The following PBX1 variants were observed in gnomAD, a reference collection of about 807,000 sequenced individuals.
PBX1 encodes PBX homeobox 1.
Under a neutral mutation model 53.4 loss-of-function variants are expected in PBX1, and 6 were observed. The observed-to-expected ratio is 0.11, with a 90% CI of 0.06 to 0.22. The LOEUF (loss-of-function observed/expected upper bound fraction) is 0.22, where lower values mean the gene tolerates loss of function less well. Among genes scored for constraint, PBX1 ranks in the 10% least tolerant of loss-of-function variants. PBX1 has a pLI of 1.00. For missense variants in PBX1, 251 were observed against 551.4 expected (o/e 0.46, Z 5.46); for synonymous variants, 204 against 212.3 (o/e 0.96, Z 0.34).
rs116131767 is a variant in PBX1 at position 164,786,806 on chromosome 1, T to A, written c.266-5688T>A. Reference sequence around the variant, plus strand: ...AAAAGGATTCAGAACTCCAATATTGTAGAGGACTGAAGTGTCTGAGAGTTA... The same window carrying A: ...AAAAGGATTCAGAACTCCAATATTGAAGAGGACTGAAGTGTCTGAGAGTTA... On this transcript the variant is annotated intron_variant, in intron 2 of 8. Coordinates refer to ENST00000420696, the MANE Select transcript of PBX1 (RefSeq NM_002585.4). 5.8e-3 allele frequency among the ~76,000 whole-genome samples: 878 copies of A among 151,842 alleles called. 7 individuals are homozygous for A. Among genetic ancestry groups the A allele is most frequent in the African/African-American group, 0.02 (841 of 41,410 alleles).
intron 2 of PBX1, among the ~76,000 whole-genome samples, chr1:164,734,541 G>A (rs981364008): frequency 6.6e-6 from 1 of 152,120 alleles, no homozygotes; most frequent in African/African-American, 2.4e-5. Flanking sequence ...ATATGAAATG[G>A]ATATAAATGG....
chr1:164,848,717 A>T lies in PBX1; in HGVS notation c.*2041A>T. ...CTTGTACATACTTGGTCCCTGTCAC[A>T]TTGACTGCTTGGGAGGCTTCCAGGG... On this transcript the variant is annotated 3_prime_UTR_variant, in exon 9 of 9. Coordinates refer to ENST00000420696, the MANE Select transcript of PBX1 (RefSeq NM_002585.4). 9.5e-7 allele frequency: 1 copy of T among 1,056,858 alleles called. No homozygotes were observed. Among genetic ancestry groups the T allele is most frequent in the Non-Finnish European group, 1.1e-6 (1 of 873,940 alleles). 65.5% of individuals were successfully genotyped at this position (1,056,858 alleles called of 1,614,324 possible).
rs184777941 is a variant in PBX1 at position 164,706,973 on chromosome 1, C to A, written c.266-85521C>A. Reference sequence around the variant, plus strand: ...CTAAATTCCCAGGGAAGATTTAGGACCTGTGTTTGTCCTGAGTTAGTGGAT... The same window carrying A: ...CTAAATTCCCAGGGAAGATTTAGGAACTGTGTTTGTCCTGAGTTAGTGGAT... On this transcript the variant is annotated intron_variant, in intron 2 of 8. Coordinates refer to ENST00000420696, the MANE Select transcript of PBX1 (RefSeq NM_002585.4). 1.5e-4 allele frequency among the ~76,000 whole-genome samples: 23 copies of A among 152,302 alleles called. No homozygotes were observed. In the East Asian group the frequency reaches 4.1e-3, roughly 27 times the overall value.
intron 2 of PBX1, among the ~76,000 whole-genome samples, chr1:164,708,250 C>G (rs1443062021): frequency 6.6e-6 from 1 of 152,136 alleles, no homozygotes. Context: ...GAGAGGTTGA[C>G]TACTGTAGTA....
chr1:164,596,705 C>G (rs541471197), intron 2 of PBX1, among the ~76,000 whole-genome samples: 2 of 152,170 alleles, frequency 1.3e-5, no homozygotes, highest in Non-Finnish European at 2.9e-5. Flanking sequence ...CAGCATTTAA[C>G]TTTTCAGGTT....
intron 2 of PBX1, among the ~76,000 whole-genome samples, chr1:164,580,824 C>A (rs1227146333): frequency 6.6e-6 from 1 of 152,138 alleles, no homozygotes; most frequent in Non-Finnish European, 1.5e-5. Context: ...GGTGATCCAC[C>A]CTCCTCGACC....
chr1:164,689,059 TG>T (rs1662298260), intron 2 of PBX1, among the ~76,000 whole-genome samples: 1 of 152,234 alleles, frequency 6.6e-6, no homozygotes, highest in Non-Finnish European at 1.5e-5. Flanking sequence ...CCTATCGAGC[TG>T]GGGAATGAGT....
At chr1:164,838,688 G>A (rs1177167783) in intron 8 of PBX1, among the ~76,000 whole-genome samples, 1 of 152,136 alleles carries the variant, frequency 6.6e-6, no homozygotes, top group Non-Finnish European at 1.5e-5. Flanking sequence ...TCTCTCCTGA[G>A]AAGTAGGAGT....
At chr1:164,817,788 G>A (rs1052524669) in intron 6 of PBX1, 10 of 152,160 alleles carry the variant, frequency 6.6e-5, no homozygotes, top group South Asian at 2.1e-4. Flanking sequence ...GCCCTTTGGG[G>A]GTTTCTCCCA....
chr1:164,644,867 G>A (rs1298951234), intron 2 of PBX1, among the ~76,000 whole-genome samples: 1 of 152,150 alleles, frequency 6.6e-6, no homozygotes, highest in Non-Finnish European at 1.5e-5. Context: ...TGGGCTCTCC[G>A]TCTGGCAGAT....
At chr1:164,661,436 T>TC (rs1443596369) in intron 2 of PBX1, among the ~76,000 whole-genome samples, 1 of 150,914 alleles carries the variant, frequency 6.6e-6, no homozygotes, top group East Asian at 1.9e-4. Context: ...TTTTTTTTTT[T>TC]TTTTTTTTGA....
At chr1:164,570,847 T>A (rs1653795852) in intron 2 of PBX1, among the ~76,000 whole-genome samples, 2 of 152,246 alleles carry the variant, frequency 1.3e-5, no homozygotes, top group Non-Finnish European at 1.5e-5. Flanking sequence ...TTCCTATTTC[T>A]CCATATCCTC....
intron 2 of PBX1, among the ~76,000 whole-genome samples, chr1:164,873,771 C>T (rs781503753): frequency 6.6e-6 from 1 of 152,110 alleles, no homozygotes; most frequent in Non-Finnish European, 1.5e-5. Context: ...TATTATTGAA[C>T]ACATTTTAAA....
rs369440305 is a variant in PBX1, at chr1:164,848,249, C to T, written c.*1573C>T. On this transcript the variant is annotated 3_prime_UTR_variant, in exon 9 of 9. Transcript: ENST00000420696. ...ATATGAAAGCTATTCTCAAAAGTCA[C>T]CTGAGCTCACCATCTTCATAGCCAA... 419 of 1,054,392 alleles carry T rather than the reference C, an allele frequency of 4.0e-4. 6 individuals are homozygous for T. The South Asian group carries it at 0.017, about 42-fold the overall frequency. The allele number at this position is 1,054,392 out of a possible 1,614,324, so 65.3% of individuals were successfully genotyped here. A position where few individuals can be genotyped will look rare whatever the true frequency, so the allele number is the denominator to read the frequency against.
chr1:164,813,544 C>T (rs1374872579), intron 6 of PBX1: 1 of 152,096 alleles, frequency 6.6e-6, no homozygotes, highest in Non-Finnish European at 1.5e-5. Context: ...AATTTCAGAC[C>T]CAACAACACC....
At chr1:164,799,426 G>C (rs949626974) in intron 3 of PBX1, among the ~76,000 whole-genome samples, 1 of 152,172 alleles carries the variant, frequency 6.6e-6, no homozygotes, top group African/African-American at 2.4e-5. Context: ...GGGAGGCGGG[G>C]CTTGCAGTGA....
intron 2 of PBX1, among the ~76,000 whole-genome samples, chr1:164,876,578 C>G (rs1209700615): frequency 6.6e-6 from 1 of 151,936 alleles, no homozygotes; most frequent in Non-Finnish European, 1.5e-5. Flanking sequence ...TATTGAGCGC[C>G]TCCTGTGACC....
chr1:164,587,869 C>T (rs1252551596), intron 2 of PBX1, among the ~76,000 whole-genome samples: 2 of 152,190 alleles, frequency 1.3e-5, no homozygotes, highest in African/African-American at 4.8e-5. Flanking sequence ...CTCCCTGATC[C>T]TCCTTCTCAT....
chr1:164,790,749 G>A (rs1039577085), intron 2 of PBX1, among the ~76,000 whole-genome samples: 8 of 152,222 alleles, frequency 5.3e-5, no homozygotes, highest in African/African-American at 1.9e-4. Flanking sequence ...TTCAGGGTTG[G>A]TTCTTTTGCT....
Sources: gnomAD v4.1 joint callset for allele counts (sites outside exome capture counted in the v4.1 genomes callset) on GRCh38, gnomAD v4.1.1 for gene constraint, MANE v1.5 for transcripts, NCBI Gene and HGNC (gene_info 2026-07-23, HGNC 2026-07-21) for gene names.